Variants in AFF2 observed in about 807,000 individuals in gnomAD.
The protein encoded by AFF2 is AF4/FMR2 family member 2.
Under a neutral mutation model 76.9 loss-of-function variants are expected in AFF2, and 14 were observed. That is an observed-to-expected ratio of 0.18 (90% CI 0.12 to 0.28). The LOEUF (loss-of-function observed/expected upper bound fraction) is 0.28, where lower values mean the gene tolerates loss of function less well. AFF2 is among the 10% of genes least tolerant of loss of function. The pLI is 1.00. For synonymous variants in AFF2, 398 were observed against 366.7 expected (o/e 1.09, Z -0.98); for missense variants, 868 against 1,001.1 (o/e 0.87, Z 1.79).
chrX:148,666,627 A>C (rs2054363422), intron 3 of AFF2, among the ~76,000 whole-genome samples: 1 of 109,880 alleles, frequency 9.1e-6, no homozygotes, highest in Admixed American at 9.7e-5. Flanking sequence ...TAAATAAATA[A>C]ATAACAAAAC....
chrX:148,651,437 A>G lies in AFF2; in HGVS notation c.48-562A>G, dbSNP rs782085348. Among the ~76,000 whole-genome samples, 4 of 112,176 alleles carry G rather than the reference A, an allele frequency of 3.6e-5. No individual in the cohort carries two copies. In the East Asian group the frequency reaches 1.1e-3, roughly 32 times the overall value. ...GAGAAGACCAACACCACAACAACCA[A>G]ACACAAAGAAGTGTAGGTGATTTGG... On this transcript the variant is annotated intron_variant, in intron 1 of 20. Transcript: ENST00000370460.
At chrX:148,672,821 G>A (rs1455306048) in intron 3 of AFF2, among the ~76,000 whole-genome samples, 1 of 111,263 alleles carries the variant, frequency 9.0e-6, no homozygotes, top group Non-Finnish European at 1.9e-5. Flanking sequence ...GTCTTTAGTG[G>A]GATGACTTTA....
chrX:148,937,487 G>A (rs1323667393), intron 9 of AFF2, among the ~76,000 whole-genome samples: 1 of 112,495 alleles, frequency 8.9e-6, no homozygotes, highest in African/African-American at 3.2e-5. Flanking sequence ...AATGAAGGAA[G>A]AGTGCAAAAT....
rs782062048 is a variant in AFF2, at chrX:148,813,451, A to G, written c.1086+3531A>G. Among the ~76,000 whole-genome samples, 3 of 112,585 alleles carry G rather than the reference A, an allele frequency of 2.7e-5. No homozygotes were observed. The South Asian group carries it at 1.1e-3, about 42-fold the overall frequency. ...AATATTTTGAATCTCATTTCAAATA[A>G]TAATAAAACAATAGCAAATTTTCTT... On this transcript the variant is annotated intron_variant, in intron 4 of 20. Transcript: ENST00000370460.
At chrX:148,883,537 A>G (rs2071121628) in intron 7 of AFF2, among the ~76,000 whole-genome samples, 1 of 111,640 alleles carries the variant, frequency 9.0e-6, no homozygotes, top group Admixed American at 9.5e-5. Context: ...TACCCCAGAT[A>G]TCGGGGTTTA....
chrX:148,925,398 TAAAG>T (rs1450118545), intron 9 of AFF2, among the ~76,000 whole-genome samples: 1 of 112,726 alleles, frequency 8.9e-6, no homozygotes, highest in Non-Finnish European at 1.9e-5. Context: ...CAAGAAATAT[TAAAG>T]AAAACCTCAG....
At chrX:148,526,098 AAAAGG>A (rs1328135866) in intron 1 of AFF2, among the ~76,000 whole-genome samples, 48 of 111,894 alleles carry the variant, frequency 4.3e-4, no homozygotes, top group African/African-American at 1.5e-3. Flanking sequence ...CAGTTGGCAG[AAAAGG>A]AAAAGGAAAT....
chrX:148,747,536 C>G (rs782588195), intron 3 of AFF2, among the ~76,000 whole-genome samples: 1 of 111,550 alleles, frequency 9.0e-6, no homozygotes, highest in South Asian at 3.8e-4. Flanking sequence ...GTTTTTGATT[C>G]GTCTTTCAAA....
intron 1 of AFF2, among the ~76,000 whole-genome samples, chrX:148,563,761 T>C (rs1419999389): frequency 8.9e-6 from 1 of 112,064 alleles, no homozygotes; most frequent in African/African-American, 3.2e-5. Flanking sequence ...CACACATTCA[T>C]GTGTAGGATT....
At chrX:148,597,643 G>A (rs1201939183) in intron 1 of AFF2, among the ~76,000 whole-genome samples, 7 of 111,810 alleles carry the variant, frequency 6.3e-5, no homozygotes, top group African/African-American at 2.3e-4. Context: ...ACATAAAGTT[G>A]ATACAAACAG....
intron 4 of AFF2, among the ~76,000 whole-genome samples, chrX:148,813,456 A>G (rs1240576610): frequency 8.9e-6 from 1 of 112,570 alleles, no homozygotes. Flanking sequence ...AAATAATAAT[A>G]AAACAATAGC....
At position 148,962,758 on chromosome X, in the gene AFF2, C is replaced by T. The variant is rs782562068; in HGVS notation, c.2734C>T (p.Leu912=). Residue 912 remains leucine, a synonymous_variant, in exon 13 of 21, where the codon CTA becomes TTA. Coordinates refer to ENST00000370460, the MANE Select transcript of AFF2 (RefSeq NM_002025.4). ...RRANRRKEEK[L]FPPPLSPLPE... ...AGCAAATAGAAGAAAGGAAGAAAAA[C>T]TATTTCCTCCTCCACTTTCCCCACT... is the stretch of plus-strand genomic sequence containing the variant. 1.7e-6 allele frequency: 2 copies of T among 1,210,063 alleles called. No homozygotes were observed. The highest frequency in any genetic ancestry group is 2.2e-5 in the Admixed American group (1 of 45,924).
chrX:148,696,255 C>T (rs990878063), intron 3 of AFF2, among the ~76,000 whole-genome samples: 6 of 107,174 alleles, frequency 5.6e-5, no homozygotes, highest in African/African-American at 1.7e-4. Flanking sequence ...ACAATGAGAA[C>T]ACTTGGACAC....
chrX:148,880,158 G>A (rs1217502287), intron 7 of AFF2, among the ~76,000 whole-genome samples: 1 of 111,993 alleles, frequency 8.9e-6, no homozygotes, highest in African/African-American at 3.2e-5. Flanking sequence ...GGATTCTGTA[G>A]GATTCCCAGT....
chrX:148,624,292 C>T (rs2053900440), intron 1 of AFF2, among the ~76,000 whole-genome samples: 1 of 111,498 alleles, frequency 9.0e-6, no homozygotes, highest in Non-Finnish European at 1.9e-5. Context: ...ATTCTGTATA[C>T]ACAAAACTAT....
rs143923852 is a variant in AFF2, at chrX:148,955,903, A to G, written c.1858A>G (p.Thr620Ala). The G allele has an allele frequency of 1.2e-4, 142 of 1,209,932 alleles. No homozygotes were observed. The African/African-American group carries it at 2.5e-3, about 21-fold the overall frequency. ...LKHKLSTTSE[T>A]VSQRTIGKKQ... is the part of the protein sequence containing the mutation. ...GCATAAGTTGTCAACAACTAGTGAG[A>G]CAGTGTCTCAAAGGACAATTGGGAA... is the stretch of plus-strand genomic sequence containing the variant. The change falls in exon 11 of 21, where the codon ACA (threonine) becomes GCA (alanine). Residue 620 changes from threonine (T) to alanine (A), a missense_variant. Around this residue, in one of 6 missense-constraint regions of AFF2, gnomAD observed 532 missense variants for 564.2 expected, o/e 0.94. Transcript: ENST00000370460.
chrX:148,735,412 A>G (rs2055273034), intron 3 of AFF2, among the ~76,000 whole-genome samples: 1 of 111,962 alleles, frequency 8.9e-6, no homozygotes, highest in Non-Finnish European at 1.9e-5. Context: ...CTTGGGCTAA[A>G]ATGTGGTTCT....
intron 1 of AFF2, among the ~76,000 whole-genome samples, chrX:148,526,210 T>G (rs1238817992): frequency 2.7e-5 from 3 of 111,162 alleles, no homozygotes; most frequent in Non-Finnish European, 5.7e-5. Flanking sequence ...TGAGTTATAA[T>G]CCATTACTAT....
chrX:148,855,661 G>C (rs1557275838), intron 7 of AFF2, among the ~76,000 whole-genome samples: 2 of 111,975 alleles, frequency 1.8e-5, no homozygotes, highest in Admixed American at 9.5e-5. Context: ...GTGCTCATAT[G>C]TATGTGGCTG....
Sources: gnomAD v4.1 joint callset for allele counts (sites outside exome capture counted in the v4.1 genomes callset) on GRCh38, gnomAD v4.1.1 for gene constraint, gnomAD v4.1.1 regional missense constraint, MANE v1.5 for transcripts, NCBI Gene and HGNC (gene_info 2026-07-23, HGNC 2026-07-21) for gene names.